Variants in PLCB1 observed in about 807,000 individuals in gnomAD.
PLCB1 encodes the protein 1-phosphatidylinositol 4,5-bisphosphate phosphodiesterase beta-1.
In PLCB1, 46 loss-of-function variants were observed where a neutral mutation model predicts 161.8. The observed-to-expected ratio is 0.28, with a 90% confidence interval of 0.22 to 0.36. PLCB1 has a LOEUF of 0.36. PLCB1 is among the 10% of genes least tolerant of loss of function. The pLI, the probability that PLCB1 is intolerant of heterozygous loss-of-function variation, is 1.00. For synonymous variants in PLCB1, 517 were observed against 503.7 expected, an observed-to-expected ratio of 1.03 and a Z score of -0.35; for missense variants, 1,016 against 1,472.5, an observed-to-expected ratio of 0.69 and a Z score of 5.07.
At chr20:8,640,496 C>A (rs754933335) in intron 4 of PLCB1, among the ~76,000 whole-genome samples, 1 of 152,134 alleles carries the variant, frequency 6.6e-6, no homozygotes, top group Non-Finnish European at 1.5e-5. Flanking sequence ...CAGATACAAC[C>A]AAAGTAATAA....
intron 2 of PLCB1, among the ~76,000 whole-genome samples, chr20:8,319,442 C>T (rs371091959): frequency 2.6e-5 from 4 of 151,888 alleles, no homozygotes; most frequent in East Asian, 3.9e-4. Context: ...CTGGGCAGGG[C>T]TCTGAGAGAG....
chr20:8,552,158 G>T (rs979346441), intron 3 of PLCB1, among the ~76,000 whole-genome samples: 1 of 152,154 alleles, frequency 6.6e-6, no homozygotes, highest in African/African-American at 2.4e-5. Context: ...CACAACAGGG[G>T]CTTCTAAGAC....
At chr20:8,702,262 A>G (rs193192094) in intron 11 of PLCB1, among the ~76,000 whole-genome samples, 1 of 152,246 alleles carries the variant, frequency 6.6e-6, no homozygotes, top group East Asian at 1.9e-4. Context: ...GGTGGCCATG[A>G]CATAGCAATT....
chr20:8,549,671 T>A (rs560649178), intron 3 of PLCB1, among the ~76,000 whole-genome samples: 1 of 152,310 alleles, frequency 6.6e-6, no homozygotes, highest in South Asian at 2.1e-4. Context: ...CTCGGCTCAC[T>A]GCAACTTCTG....
At chr20:8,530,895 C>G (rs1984787561) in intron 3 of PLCB1, among the ~76,000 whole-genome samples, 1 of 151,862 alleles carries the variant, frequency 6.6e-6, no homozygotes, top group African/African-American at 2.4e-5. Context: ...TTTTTCATTA[C>G]CAATTTGTTT....
intron 3 of PLCB1, among the ~76,000 whole-genome samples, chr20:8,495,506 T>C (rs1983129408): frequency 6.7e-6 from 1 of 148,350 alleles, no homozygotes; most frequent in East Asian, 2.1e-4. Context: ...CACGCCATTC[T>C]CCTGCCTCAG....
intron 3 of PLCB1, among the ~76,000 whole-genome samples, chr20:8,574,864 T>G (rs538442376): frequency 6.8e-6 from 1 of 146,966 alleles, no homozygotes; most frequent in Non-Finnish European, 1.5e-5. Flanking sequence ...AAAAATCACT[T>G]CAACAGAAAA....
chr20:8,818,460 A>G (rs78004964), intron 31 of PLCB1, among the ~76,000 whole-genome samples: 2 of 152,348 alleles, frequency 1.3e-5, no homozygotes, highest in East Asian at 3.9e-4. Context: ...GACAAGAAGA[A>G]TAAATAAAAG....
chr20:8,655,432 C>T (rs1568548382), intron 7 of PLCB1, among the ~76,000 whole-genome samples: 1 of 152,018 alleles, frequency 6.6e-6, no homozygotes, highest in Admixed American at 6.6e-5. Flanking sequence ...AAAGACTAGA[C>T]AGAATTGTAT....
intron 10 of PLCB1, among the ~76,000 whole-genome samples, chr20:8,687,022 T>C (rs1990375954): frequency 6.6e-6 from 1 of 151,090 alleles, no homozygotes; most frequent in Non-Finnish European, 1.5e-5. Context: ...CAATTTAAAT[T>C]ATTATTATTA....
chr20:8,165,473 A>T lies in PLCB1; in HGVS notation c.177+15102A>T, dbSNP rs115206827. On this transcript the variant is annotated intron_variant, in intron 2 of 31. Coordinates refer to ENST00000338037, the MANE Select transcript of PLCB1 (RefSeq NM_015192.4). Reference sequence around the variant, plus strand: ...TCTAACCCTGCCAATTTAGAATGAAACCCTCTCTTCTGTTCTTCTGGAATA... The same window carrying T: ...TCTAACCCTGCCAATTTAGAATGAATCCCTCTCTTCTGTTCTTCTGGAATA... Among the ~76,000 whole-genome samples, 531 of 151,848 alleles carry T rather than the reference A, an allele frequency of 3.5e-3. 4 individuals carry two copies. Among genetic ancestry groups the T allele is most frequent in the African/African-American group, 0.012 (509 of 41,388 alleles).
At position 8,628,328 on chromosome 20, in the gene PLCB1, A is replaced by T. The variant is rs1053243943; in HGVS notation, c.281A>T (p.Asn94Ile). ...PKLRELLDVG[N>I]IGRLEQRMIT... ...TTACGTGAACTTTTGGATGTGGGGA[A>T]CATCGGGCGCCTGGAGCAGCGCATG... Residue 94 changes from asparagine to isoleucine, a missense_variant, in exon 4 of 32, where the codon AAC (asparagine) becomes ATC (isoleucine). Physicochemically the swap from Asn to Ile is moderately radical, Grantham distance 149. Coordinates refer to ENST00000338037, the MANE Select transcript of PLCB1 (RefSeq NM_015192.4). The T allele has an allele frequency of 6.2e-7, 1 of 1,613,978 alleles. No homozygotes were observed. Among genetic ancestry groups the T allele is most frequent in the Non-Finnish European group, 8.5e-7 (1 of 1,179,834 alleles).
chr20:8,502,810 C>A (rs1260713135), intron 3 of PLCB1, among the ~76,000 whole-genome samples: 2 of 152,124 alleles, frequency 1.3e-5, no homozygotes, highest in Non-Finnish European at 2.9e-5. Flanking sequence ...TTCCTGATGA[C>A]CCCTAGAGAG....
intron 25 of PLCB1, among the ~76,000 whole-genome samples, chr20:8,763,327 G>T (rs1003433852): frequency 6.6e-6 from 1 of 151,990 alleles, no homozygotes; most frequent in Admixed American, 6.6e-5. Context: ...TCAGCCTCCC[G>T]AGTGGCTGGG....
intron 9 of PLCB1, among the ~76,000 whole-genome samples, chr20:8,662,783 A>G (rs1217870919): frequency 6.6e-6 from 1 of 151,858 alleles, no homozygotes; most frequent in East Asian, 1.9e-4. Flanking sequence ...TAAGAAGTAA[A>G]GAGAAGGCGC....
chr20:8,645,782 ATC>A, intron 4 of PLCB1, among the ~76,000 whole-genome samples: 1 of 152,342 alleles, frequency 6.6e-6, no homozygotes, highest in Non-Finnish European at 1.5e-5. Context: ...ATGACTCTTT[ATC>A]TGTTTATAAT....
chr20:8,199,001 C>A (rs1411010006), intron 2 of PLCB1, among the ~76,000 whole-genome samples: 1 of 151,598 alleles, frequency 6.6e-6, no homozygotes, highest in African/African-American at 2.4e-5. Flanking sequence ...TGGACAGAAA[C>A]ATCTTAATTT....
intron 3 of PLCB1, among the ~76,000 whole-genome samples, chr20:8,565,134 A>G (rs894523583): frequency 5.9e-5 from 9 of 152,222 alleles, no homozygotes; most frequent in African/African-American, 2.2e-4. Flanking sequence ...TGGCACATAT[A>G]TACCATGAAA....
At chr20:8,573,255 A>C (rs1324049829) in intron 3 of PLCB1, among the ~76,000 whole-genome samples, 1 of 152,200 alleles carries the variant, frequency 6.6e-6, no homozygotes, top group Non-Finnish European at 1.5e-5. Flanking sequence ...GACCTTGGTG[A>C]ATACAGCCTC....
Sources: allele counts gnomAD v4.1 joint callset (sites outside exome capture counted in the v4.1 genomes callset), GRCh38; gene constraint gnomAD v4.1.1; transcripts MANE v1.5; gene names NCBI Gene and HGNC (gene_info 2026-07-23, HGNC 2026-07-21).